Variants in ATG10 observed in about 807,000 individuals in gnomAD.
ATG10 encodes autophagy related 10.
Under a neutral mutation model 32.1 loss-of-function variants are expected in ATG10, and 30 were observed. The ratio of observed to expected loss-of-function variants is 0.94; its 90% CI spans 0.70 to 1.27. The LOEUF (loss-of-function observed/expected upper bound fraction) is 1.27. ATG10 is among the 50% of genes most tolerant of loss of function. The pLI, the probability that ATG10 is intolerant of heterozygous loss-of-function variation, is 0.00. For missense variants in ATG10, 233 were observed against 262.3 expected, an observed-to-expected ratio of 0.89 and a Z score of 0.77; for synonymous variants, 87 against 91.5, an observed-to-expected ratio of 0.95 and a Z score of 0.28.
chr5:82,253,518 T>A, intron 7 of ATG10, 89 bp downstream of exon 7: 1 of 910,682 alleles, frequency 1.1e-6, no homozygotes, highest in Admixed American at 2.0e-5. Flanking sequence ...ATGCAAAATT[T>A]GCTTTCATCT....
chr5:82,038,758 G>A (rs1225737522), intron 2 of ATG10, among the ~76,000 whole-genome samples: 1 of 152,164 alleles, frequency 6.6e-6, no homozygotes, highest in Non-Finnish European at 1.5e-5. Flanking sequence ...AATGTCTTAA[G>A]TAGAGCCTAA....
intron 5 of ATG10, among the ~76,000 whole-genome samples, chr5:82,187,599 A>G (rs1744503071): frequency 6.6e-6 from 1 of 150,628 alleles, no homozygotes; most frequent in South Asian, 2.1e-4. Context: ...TTTTTTTGAA[A>G]CTGTGTTTCG....
chr5:82,099,784 A>T (rs938485722), intron 3 of ATG10, among the ~76,000 whole-genome samples: 2 of 152,036 alleles, frequency 1.3e-5, no homozygotes, highest in Non-Finnish European at 2.9e-5. Context: ...CTGAAGGCCT[A>T]AGCTAAAAGA....
chr5:82,221,684 G>A (rs1269045405), intron 5 of ATG10, among the ~76,000 whole-genome samples: 1 of 152,078 alleles, frequency 6.6e-6, no homozygotes, highest in African/African-American at 2.4e-5. Context: ...ATGTAGAGAT[G>A]GTTCAAGAAT....
intron 2 of ATG10, among the ~76,000 whole-genome samples, chr5:82,043,847 A>G (rs537393481): frequency 3.3e-5 from 5 of 152,088 alleles, no homozygotes; most frequent in Non-Finnish European, 5.9e-5. Flanking sequence ...TGTCCATATC[A>G]CCATCACCAT....
intron 2 of ATG10, among the ~76,000 whole-genome samples, chr5:82,015,159 C>G (rs918751563): frequency 6.6e-6 from 1 of 151,964 alleles, no homozygotes; most frequent in Admixed American, 6.5e-5. Flanking sequence ...TTGGCCTCCA[C>G]TCTCTCCTGG....
chr5:82,068,247 A>G (rs1764003569), intron 3 of ATG10, among the ~76,000 whole-genome samples: 1 of 152,178 alleles, frequency 6.6e-6, no homozygotes, highest in Non-Finnish European at 1.5e-5. Context: ...TGTCCTTTGC[A>G]GGGACACGGA....
chr5:82,217,810 C>CAAA (rs869258898), intron 5 of ATG10, among the ~76,000 whole-genome samples: 2 of 128,084 alleles, frequency 1.6e-5, no homozygotes, highest in Admixed American at 8.0e-5. Flanking sequence ...CCCTCTCTAC[C>CAAA]AAAAAAAAAA....
Position 82,158,583 on chromosome 5 carries a change from G to A in ATG10, c.217-5816G>A, listed in dbSNP as rs562838851. Among the ~76,000 whole-genome samples the A allele has an allele frequency of 6.6e-5, 10 of 151,870 alleles. No individual in the cohort carries two copies. The East Asian group carries it at 9.7e-4, about 15-fold the overall frequency. On this transcript the variant is annotated intron_variant, in intron 3 of 7. Coordinates refer to ENST00000282185, the MANE Select transcript of ATG10 (RefSeq NM_031482.5). ...ATGGGAGGATATGTGTAGATTATAT[G>A]CAAATACTCTACCATTTTATATAAG...
intron 3 of ATG10, among the ~76,000 whole-genome samples, chr5:82,096,108 G>C (rs1229905278): frequency 6.6e-6 from 1 of 152,048 alleles, no homozygotes; most frequent in Non-Finnish European, 1.5e-5. Flanking sequence ...AAAAACACTG[G>C]CACATCAGCT....
intron 2 of ATG10, among the ~76,000 whole-genome samples, chr5:82,057,379 T>A: frequency 6.6e-6 from 1 of 152,168 alleles, no homozygotes; most frequent in Non-Finnish European, 1.5e-5. Context: ...GTTGGCAGGG[T>A]CCTGCTCCCA....
intron 3 of ATG10, among the ~76,000 whole-genome samples, chr5:82,090,682 A>G (rs1479267107): frequency 6.6e-6 from 1 of 152,170 alleles, no homozygotes; most frequent in Non-Finnish European, 1.5e-5. Context: ...CTGTATCTTC[A>G]CTGTATCAGT....
rs559071299 is a variant in ATG10 at position 82,118,109 on chromosome 5, T to C, written c.217-46290T>C. On this transcript the variant is annotated intron_variant, in intron 3 of 7. Coordinates refer to ENST00000282185, the MANE Select transcript of ATG10 (RefSeq NM_031482.5). Reference sequence around the variant, plus strand: ...GGAACCAGTAAGAATAGGGAGCTAATTGGAAATTGATGGTAAAGGAAAGAA... The same window carrying C: ...GGAACCAGTAAGAATAGGGAGCTAACTGGAAATTGATGGTAAAGGAAAGAA... 5.9e-5 allele frequency among the ~76,000 whole-genome samples: 9 copies of C among 151,968 alleles called. 1 individual carries two copies. In the South Asian group the frequency reaches 1.9e-3, roughly 32 times the overall value.
chr5:82,145,581 A>C (rs115931141), intron 3 of ATG10, among the ~76,000 whole-genome samples: 199 of 152,314 alleles, frequency 1.3e-3, no homozygotes, highest in African/African-American at 4.4e-3. Flanking sequence ...TATGTATTAT[A>C]TGTATACACA....
At chr5:82,057,594 GT>G (rs1763645345) in intron 2 of ATG10, among the ~76,000 whole-genome samples, 1 of 152,164 alleles carries the variant, frequency 6.6e-6, no homozygotes, top group East Asian at 1.9e-4. Context: ...AAATGTAAAT[GT>G]TGGTATGACA....
chr5:82,252,832 C>G, intron 6 of ATG10, 173 bp downstream of exon 6: 1 of 549,624 alleles, frequency 1.8e-6, no homozygotes, highest in Non-Finnish European at 3.2e-6. Context: ...TACAGTAAGA[C>G]ATTGGATTTT....
chr5:82,118,400 A>ATATATATATATATATATATGTATATAT (rs371581160), intron 3 of ATG10, among the ~76,000 whole-genome samples: 1 of 115,836 alleles, frequency 8.6e-6, no homozygotes, highest in Admixed American at 8.6e-5. Context: ...ATATATATAT[A>ATATATATATATATATATATGTATATAT]TATATGTATG....
chr5:82,248,625 G>A (rs959590674), intron 5 of ATG10, among the ~76,000 whole-genome samples: 1 of 152,006 alleles, frequency 6.6e-6, no homozygotes, highest in Non-Finnish European at 1.5e-5. Flanking sequence ...TGACAATTTT[G>A]TTCATTTTTA....
At chr5:82,168,216 G>C (rs115275264) in intron 4 of ATG10, among the ~76,000 whole-genome samples, 68 of 152,034 alleles carry the variant, frequency 4.5e-4, no homozygotes, top group African/African-American at 1.6e-3. Flanking sequence ...GCTCAGCTTT[G>C]ATCAAAAGCT....
Sources: gnomAD v4.1 joint callset for allele counts (sites outside exome capture counted in the v4.1 genomes callset) on GRCh38, gnomAD v4.1.1 for gene constraint, MANE v1.5 for transcripts, NCBI Gene and HGNC (gene_info 2026-07-23, HGNC 2026-07-21) for gene names.